The following SGCD variants were observed in gnomAD, a reference collection of about 807,000 sequenced individuals.
The protein encoded by SGCD is sarcoglycan delta, also known as delta-sarcoglycan.
A neutral mutation model predicts 36.6 loss-of-function variants in SGCD; 18 were observed. That is an observed-to-expected ratio of 0.49 (90% CI 0.34 to 0.73). The LOEUF is 0.73. SGCD is among the 30% of genes least tolerant of loss of function. The pLI is 0.01. For synonymous variants in SGCD, 133 were observed against 130.6 expected, an observed-to-expected ratio of 1.02 and a Z score of -0.12; for missense variants, 387 against 346.7, an observed-to-expected ratio of 1.12 and a Z score of -0.92.
intron 1 of SGCD, among the ~76,000 whole-genome samples, chr5:155,942,922 A>G (rs1757359289): frequency 6.6e-6 from 1 of 152,234 alleles, no homozygotes; most frequent in Non-Finnish European, 1.5e-5. Flanking sequence ...ATAATGAGTC[A>G]TCATAGTCTA....
intron 3 of SGCD, among the ~76,000 whole-genome samples, chr5:156,427,775 T>C (rs1158040174): frequency 6.6e-6 from 1 of 152,228 alleles, no homozygotes; most frequent in Non-Finnish European, 1.5e-5. Context: ...AAATGCTTTT[T>C]CTGCATCTGT....
intron 7 of SGCD, among the ~76,000 whole-genome samples, chr5:156,662,957 A>C (rs1218115393): frequency 6.7e-6 from 1 of 150,370 alleles, no homozygotes; most frequent in Non-Finnish European, 1.5e-5. Context: ...GAGGCTCTAC[A>C]GTGACCGCCC....
intron 1 of SGCD, among the ~76,000 whole-genome samples, chr5:156,071,606 T>C (rs1760564934): frequency 6.6e-6 from 1 of 152,204 alleles, no homozygotes; most frequent in Non-Finnish European, 1.5e-5. Flanking sequence ...ATGTATATTC[T>C]GTTGATTTGG....
chr5:156,270,435 A>T (rs1766145831), intron 3 of SGCD, among the ~76,000 whole-genome samples: 1 of 152,228 alleles, frequency 6.6e-6, no homozygotes, highest in Admixed American at 6.5e-5. Context: ...TATAAAAAGC[A>T]ATCTATGTTT....
intron 7 of SGCD, among the ~76,000 whole-genome samples, chr5:156,657,517 C>T (rs1480180755): frequency 1.3e-5 from 2 of 151,614 alleles, no homozygotes; most frequent in Non-Finnish European, 2.9e-5. Context: ...GATCCCAGCA[C>T]TTTGGGAGGC....
intron 3 of SGCD, among the ~76,000 whole-genome samples, chr5:156,321,245 C>T (rs892701313): frequency 1.3e-5 from 2 of 151,984 alleles, no homozygotes. Flanking sequence ...TGGTGAAACC[C>T]CATCTCTACT....
chr5:156,206,951 T>C (rs996395491), intron 3 of SGCD, among the ~76,000 whole-genome samples: 7 of 152,114 alleles, frequency 4.6e-5, no homozygotes, highest in Non-Finnish European at 1.0e-4. Context: ...TATCAGGTGA[T>C]TGAATGATAA....
chr5:156,516,495 C>A lies in SGCD; in HGVS notation c.294+7793C>A, dbSNP rs529269931. Among the ~76,000 whole-genome samples, 684 of 152,256 alleles carry A rather than the reference C, an allele frequency of 4.5e-3. 4 individuals carry two copies. The highest frequency in any genetic ancestry group is 0.014 in the African/African-American group (569 of 41,550). On this transcript the variant is annotated intron_variant, in intron 4 of 8. Transcript: ENST00000337851. Reference sequence around the variant, plus strand: ...AACAACATCAACAAAAAAATACCCACAAAACCCTATCCAAAGGTCAGCAGC... The same window carrying A: ...AACAACATCAACAAAAAAATACCCAAAAAACCCTATCCAAAGGTCAGCAGC...
At chr5:156,495,128 A>G (rs1026967392) in intron 3 of SGCD, among the ~76,000 whole-genome samples, 32 of 152,126 alleles carry the variant, frequency 2.1e-4, no homozygotes, top group South Asian at 2.1e-3. Flanking sequence ...GAACACATGG[A>G]TGAAATATGG....
chr5:156,440,277 T>C (rs953874994), intron 3 of SGCD, among the ~76,000 whole-genome samples: 2 of 152,192 alleles, frequency 1.3e-5, no homozygotes, highest in African/African-American at 2.4e-5. Flanking sequence ...CATAGCCTAA[T>C]GTTTCATCCA....
chr5:155,934,469 T>C (rs906113792), intron 1 of SGCD, among the ~76,000 whole-genome samples: 1 of 152,178 alleles, frequency 6.6e-6, no homozygotes, highest in African/African-American at 2.4e-5. Context: ...ACAAACAGAA[T>C]AACTTATGAA....
chr5:155,938,072 A>G (rs1561656139), intron 1 of SGCD, among the ~76,000 whole-genome samples: 2 of 152,344 alleles, frequency 1.3e-5, no homozygotes, highest in East Asian at 3.9e-4. Flanking sequence ...GAACGCAAAC[A>G]TGCACATACC....
intron 2 of SGCD, among the ~76,000 whole-genome samples, chr5:156,337,018 G>A (rs1432308908): frequency 6.6e-6 from 1 of 152,182 alleles, no homozygotes; most frequent in Non-Finnish European, 1.5e-5. Flanking sequence ...AAAACTAAAA[G>A]TGATGAATTT....
At chr5:156,620,355 G>A (rs552863730) in intron 6 of SGCD, among the ~76,000 whole-genome samples, 8 of 152,330 alleles carry the variant, frequency 5.3e-5, no homozygotes, top group South Asian at 4.1e-4. Context: ...ATGTAAGGAC[G>A]TAGAACAAAA....
intron 3 of SGCD, among the ~76,000 whole-genome samples, chr5:156,478,455 C>T (rs1416781024): frequency 1.3e-5 from 2 of 152,188 alleles, no homozygotes; most frequent in Non-Finnish European, 2.9e-5. Flanking sequence ...AGCTTTCAGT[C>T]CTGAAAGGAA....
chr5:156,169,211 A>G (rs78998263), intron 3 of SGCD, among the ~76,000 whole-genome samples: 2,241 of 152,344 alleles, frequency 0.015, 69 homozygotes, highest in African/African-American at 0.05. Flanking sequence ...GTTTGTTTAT[A>G]GGAAACGAAG....
chr5:155,995,562 T>A (rs918094893), intron 1 of SGCD, among the ~76,000 whole-genome samples: 3 of 152,166 alleles, frequency 2.0e-5, no homozygotes, highest in African/African-American at 7.2e-5. Context: ...CAACAAACAT[T>A]TATTCAATAA....
At chr5:156,726,265 T>TTGTC (rs1160261743) in intron 7 of SGCD, among the ~76,000 whole-genome samples, 1 of 152,194 alleles carries the variant, frequency 6.6e-6, no homozygotes, top group African/African-American at 2.4e-5. Context: ...CTAAGAATGT[T>TTGTC]TGTCTCTCCT....
At chr5:156,034,522 C>T (rs187131998) in intron 1 of SGCD, among the ~76,000 whole-genome samples, 3 of 152,244 alleles carry the variant, frequency 2.0e-5, no homozygotes, top group African/African-American at 7.2e-5. Context: ...GCTAACCATC[C>T]GTAGTTCATA....
Sources: allele counts gnomAD v4.1 joint callset (sites outside exome capture counted in the v4.1 genomes callset), GRCh38; gene constraint gnomAD v4.1.1; transcripts MANE v1.5; gene names NCBI Gene and HGNC (gene_info 2026-07-23, HGNC 2026-07-21).